KCNS2: variants seen among roughly 807,000 people sequenced by gnomAD.
The protein encoded by KCNS2 is potassium voltage-gated channel modifier subfamily S member 2, also known as delayed-rectifier potassium channel regulatory subunit KCNS2.
Under a neutral mutation model 28.3 loss-of-function variants are expected in KCNS2, and 15 were observed. That is an observed-to-expected ratio of 0.53 (90% CI 0.35 to 0.82). The LOEUF is 0.82. Among genes scored for constraint, KCNS2 ranks in the 40% least tolerant of loss-of-function variants. The pLI is 0.01. For synonymous variants in KCNS2, 254 were observed against 256.7 expected, an observed-to-expected ratio of 0.99 and a Z score of 0.10; for missense variants, 501 against 617.1, an observed-to-expected ratio of 0.81 and a Z score of 1.99.
Position 98,428,089 on chromosome 8 carries a change from G to A in KCNS2, c.110G>A (p.Arg37His), listed in dbSNP as rs1184225176. 6.2e-7 allele frequency: 1 copy of A among 1,613,806 alleles called. No individual in the cohort carries two copies. Among genetic ancestry groups the A allele is most frequent in the East Asian group, 2.2e-5 (1 of 44,864 alleles). ...AGGCTGCGCTCGCACACGCTGCTGCGCTTCCCCGAGACGCGCCTGGGCCGC... is the reference window on the plus strand; with the variant it reads ...AGGCTGCGCTCGCACACGCTGCTGCACTTCCCCGAGACGCGCCTGGGCCGC... ...KRRLRSHTLLRFPETRLGRLL... is the reference protein window; with the variant it reads ...KRRLRSHTLLHFPETRLGRLL... The change falls in exon 2 of 2, where the codon CGC (arginine) becomes CAC (histidine). Residue 37 changes from arginine (R) to histidine (H), a missense_variant. Coordinates refer to ENST00000287042, the MANE Select transcript of KCNS2 (RefSeq NM_020697.4). This position sits in a 1 kb window ranked among gnomAD's most constrained non-coding sequence, Gnocchi z 6.7.
rs1369352755 is a variant in KCNS2 at position 98,427,191 on chromosome 8, C to A, written c.-181C>A. Reference sequence around the variant, plus strand: ...GAGACGGGAGGAGACGCTCGGCGGCCCCCGCCCGCCGGCCCGCCGGGCGCA... The same window carrying A: ...GAGACGGGAGGAGACGCTCGGCGGCACCCGCCCGCCGGCCCGCCGGGCGCA... On this transcript the variant is annotated 5_prime_UTR_variant, in exon 1 of 2. Transcript: ENST00000287042. The A allele has an allele frequency of 6.7e-6, 1 of 149,552 alleles. No homozygotes were observed. Among genetic ancestry groups the A allele is most frequent in the African/African-American group, 2.5e-5 (1 of 40,364 alleles). 9.3% of individuals were successfully genotyped at this position (149,552 alleles called of 1,614,324 possible).
In KCNS2 at chr8:98,432,814, A is replaced by G. The variant is rs1383009149; in HGVS notation, c.*3401A>G. The G allele has an allele frequency of 6.0e-6, 1 of 166,848 alleles. No individual in the cohort carries two copies. The highest frequency in any genetic ancestry group is 2.4e-5 in the African/African-American group (1 of 41,440). The allele number at this position is 166,848 out of a possible 1,614,324, so 10.3% of individuals were successfully genotyped here. ...GATGTCAGTTTTAACACTCATTAAC[A>G]CACTACTGTGCAAGCATTGACACAG... is the stretch of plus-strand genomic sequence containing the variant. On this transcript the variant is annotated 3_prime_UTR_variant, in exon 2 of 2. Coordinates refer to ENST00000287042, the MANE Select transcript of KCNS2 (RefSeq NM_020697.4).
rs1818297587 is a variant in KCNS2, at chr8:98,429,472, A to G, written c.*59A>G. The G allele has an allele frequency of 7.9e-7, 1 of 1,259,094 alleles. No individual in the cohort carries two copies. The highest frequency in any genetic ancestry group is 2.3e-5 in the East Asian group (1 of 43,090). 78.0% of individuals were successfully genotyped at this position (1,259,094 alleles called of 1,614,324 possible). A position where few individuals can be genotyped will look rare whatever the true frequency, so the allele number is the denominator to read the frequency against. On this transcript the variant is annotated 3_prime_UTR_variant, in exon 2 of 2. Coordinates refer to ENST00000287042, the MANE Select transcript of KCNS2 (RefSeq NM_020697.4). ...CTGAGCTGCCTCTTGTGCCTCTGGCACAGCCCAGGCACCTTATGGTTATGG... is the reference window on the plus strand; with the variant it reads ...CTGAGCTGCCTCTTGTGCCTCTGGCGCAGCCCAGGCACCTTATGGTTATGG...
intron 1 of KCNS2, 23 bp from the exon 2 acceptor site, chr8:98,427,915 G>T: frequency 1.5e-6 from 2 of 1,368,710 alleles, no homozygotes; most frequent in South Asian, 3.0e-5. Flanking sequence ...CGCTCTCGCC[G>T]ACGCTGTTCC....
chr8:98,427,890 C>A, intron 1 of KCNS2, 48 bp from the exon 2 acceptor site: 1 of 1,191,884 alleles, frequency 8.4e-7, no homozygotes, highest in Non-Finnish European at 1.2e-6. Context: ...GAGGGGGCCC[C>A]GCCAGGGCGC....
Position 98,430,043 on chromosome 8 carries a change from T to C in KCNS2, c.*630T>C, listed in dbSNP as rs1306332223. 2 of 167,198 alleles carry C rather than the reference T, an allele frequency of 1.2e-5. No homozygotes were observed. Among genetic ancestry groups the C allele is most frequent in the Non-Finnish European group, 2.9e-5 (2 of 68,194 alleles). The allele number at this position is 167,198 out of a possible 1,614,324, so 10.4% of individuals were successfully genotyped here. The stretch of plus-strand genomic sequence containing the variant: ...CTTGCATGGGTGCACCAATCATCTT[T>C]AGAACGATGTACACTGATGTTCATC... On this transcript the variant is annotated 3_prime_UTR_variant, in exon 2 of 2. Coordinates refer to ENST00000287042, the MANE Select transcript of KCNS2 (RefSeq NM_020697.4).
At chr8:98,427,878 G>A in intron 1 of KCNS2, 60 bp from the exon 2 acceptor site, 2 of 985,178 alleles carry the variant, frequency 2.0e-6, no homozygotes, top group East Asian at 2.6e-5. Context: ...AATGGGTAGG[G>A]AGAGGGGGCC....
Position 98,428,684 on chromosome 8 carries a change from T to C in KCNS2, c.705T>C (p.Ile235=), listed in dbSNP as rs765702013. ...PRFEIVEHFG[I]AWFTFELVAR... ...TCGAAATCGTGGAGCACTTTGGCAT[T>C]GCCTGGTTCACATTTGAGCTGGTGG... The change falls in exon 2 of 2, where the codon ATT becomes ATC. Residue 235 remains isoleucine, a synonymous_variant. Transcript: ENST00000287042. The surrounding 1 kb of genome is among the most constrained non-coding windows in gnomAD (Gnocchi z 6.7). The C allele has an allele frequency of 2.5e-6, 4 of 1,614,218 alleles. No individual in the cohort carries two copies. The highest frequency in any genetic ancestry group is 2.5e-6 in the Non-Finnish European group (3 of 1,180,038).
chr8:98,429,397 A>G lies in KCNS2; in HGVS notation c.1418A>G (p.Asn473Ser). The stretch of plus-strand genomic sequence containing the variant: ...AGCTCACCAAGTGAACTCAGTTTAA[A>G]TGATTCCCTACGTTAGCCGGGAGGA... Reference protein sequence around the residue: ...SRSSPSELSLNDSLR With the variant: ...SRSSPSELSLSDSLR Residue 473 changes from asparagine to serine, a missense_variant, in exon 2 of 2, where the codon AAT (asparagine) becomes AGT (serine). Physicochemically the swap from Asn to Ser is conservative, Grantham distance 46 (BLOSUM62 1). Coordinates refer to ENST00000287042, the MANE Select transcript of KCNS2 (RefSeq NM_020697.4). The G allele has an allele frequency of 6.2e-7, 1 of 1,610,582 alleles. No individual in the cohort carries two copies. The highest frequency in any genetic ancestry group is 8.5e-7 in the Non-Finnish European group (1 of 1,177,260).
chr8:98,427,180 C>A lies in KCNS2; in HGVS notation c.-192C>A, dbSNP rs1410482267. 1 of 150,274 alleles carries A rather than the reference C, an allele frequency of 6.7e-6. No homozygotes were observed. Among genetic ancestry groups the A allele is most frequent in the South Asian group, 2.1e-4 (1 of 4,828 alleles). 9.3% of individuals were successfully genotyped at this position (150,274 alleles called of 1,614,324 possible). On this transcript the variant is annotated 5_prime_UTR_variant, in exon 1 of 2. Coordinates refer to ENST00000287042, the MANE Select transcript of KCNS2 (RefSeq NM_020697.4). ...GTACCCGGCCCGAGACGGGAGGAGA[C>A]GCTCGGCGGCCCCCGCCCGCCGGCC...
chr8:98,428,540 G>A lies in KCNS2; in HGVS notation c.561G>A (p.Arg187=). 4 of 1,614,164 alleles carry A rather than the reference G, an allele frequency of 2.5e-6. No individual in the cohort carries two copies. Among genetic ancestry groups the A allele is most frequent in the Non-Finnish European group, 3.4e-6 (4 of 1,180,030 alleles). Residue 187 remains arginine, a synonymous_variant, in exon 2 of 2, where the codon AGG becomes AGA. Coordinates refer to ENST00000287042, the MANE Select transcript of KCNS2 (RefSeq NM_020697.4). This position sits in a 1 kb window ranked among gnomAD's most constrained non-coding sequence, Gnocchi z 6.7. ...ACCCCGGCTACTCAGTGCTGAGCAG[G>A]GTCTTCAGCATCCTGTCCATCCTGG... The part of the protein sequence containing the change: ...LDNPGYSVLS[R]VFSILSILVV...
rs756265826 is a variant in KCNS2 at position 98,429,346 on chromosome 8, T to C, written c.1367T>C (p.Met456Thr). The change falls in exon 2 of 2, where the codon ATG becomes ACG. Residue 456 changes from methionine to threonine, a missense_variant. Physicochemically the swap from Met to Thr is moderately conservative, Grantham distance 81. Coordinates refer to ENST00000287042, the MANE Select transcript of KCNS2 (RefSeq NM_020697.4). Reference protein sequence around the residue: ...DYYAHKVKSLMASLTNMSRSS... With the variant: ...DYYAHKVKSLTASLTNMSRSS... ...TATGCCCATAAAGTTAAATCCCTTA[T>C]GGCAAGCCTGACGAACATGAGCAGG... The C allele has an allele frequency of 6.2e-7, 1 of 1,614,078 alleles. No homozygotes were observed. Among genetic ancestry groups the C allele is most frequent in the Non-Finnish European group, 8.5e-7 (1 of 1,180,016 alleles).
chr8:98,431,091 A>C lies in KCNS2; in HGVS notation c.*1678A>C, dbSNP rs1483011608. ...GAGCATGGAGCTATCCAGGGTTTTC[A>C]TCCAAAGGTTGGGCCTCTTCTTAAG... On this transcript the variant is annotated 3_prime_UTR_variant, in exon 2 of 2. Transcript: ENST00000287042. 1.2e-5 allele frequency: 2 copies of C among 167,092 alleles called. No individual in the cohort carries two copies. The highest frequency in any genetic ancestry group is 2.9e-5 in the Non-Finnish European group (2 of 68,120). The allele number at this position is 167,092 out of a possible 1,614,324, so 10.4% of individuals were successfully genotyped here. A position where few individuals can be genotyped will look rare whatever the true frequency, so the allele number is the denominator to read the frequency against.
rs1818289002 is a variant in KCNS2, at chr8:98,428,972, G to C, written c.993G>C (p.Leu331=). The C allele has an allele frequency of 6.2e-7, 1 of 1,614,166 alleles. No individual in the cohort carries two copies. Among genetic ancestry groups the C allele is most frequent in the Non-Finnish European group, 8.5e-7 (1 of 1,180,032 alleles). The change falls in exon 2 of 2, where the codon CTG becomes CTC. Residue 331 remains leucine (L), a synonymous_variant. Transcript: ENST00000287042. The surrounding 1 kb of genome is among the most constrained non-coding windows in gnomAD (Gnocchi z 6.7). The part of the protein sequence containing the change: ...TLKYSYKEVG[L]LLLYLSVGIS... ...AATACAGCTACAAAGAAGTAGGGCT[G>C]CTCTTGCTCTACCTCTCCGTGGGGA...
chr8:98,429,064 C>G lies in KCNS2; in HGVS notation c.1085C>G (p.Pro362Arg). 1 of 1,613,196 alleles carries G rather than the reference C, an allele frequency of 6.2e-7. No individual in the cohort carries two copies. ...GAGAACGAGGGCCTGGCCACCATCCCTGCCTGCTGGTGGTGGGCTACCGTC... is the reference window on the plus strand; with the variant it reads ...GAGAACGAGGGCCTGGCCACCATCCGTGCCTGCTGGTGGTGGGCTACCGTC... ...KEENEGLATIPACWWWATVSM... is the reference protein window; with the variant it reads ...KEENEGLATIRACWWWATVSM... The change falls in exon 2 of 2, where the codon CCT becomes CGT. Residue 362 changes from proline (P) to arginine (R), a missense_variant. Physicochemically the swap from Pro to Arg is moderately radical, Grantham distance 103. Transcript: ENST00000287042.
chr8:98,427,396 G>T (rs1328017270), intron 1 of KCNS2, 67 bp downstream of exon 1: 1 of 152,122 alleles, frequency 6.6e-6, no homozygotes, highest in African/African-American at 2.4e-5. Context: ...AGCGCACGCG[G>T]CCCCGGGGCA....
rs1221135611 is a variant in KCNS2 at position 98,428,075 on chromosome 8, G to A, written c.96G>A (p.Ser32=). 1 of 1,613,584 alleles carries A rather than the reference G, an allele frequency of 6.2e-7. No homozygotes were observed. The highest frequency in any genetic ancestry group is 2.2e-5 in the East Asian group (1 of 44,850). ...GCGGCTTCAAGAGGAGGCTGCGCTC[G>A]CACACGCTGCTGCGCTTCCCCGAGA... ...NVGGFKRRLR[S]HTLLRFPETR... The change falls in exon 2 of 2, where the codon TCG becomes TCA. Residue 32 remains serine, a synonymous_variant. Coordinates refer to ENST00000287042, the MANE Select transcript of KCNS2 (RefSeq NM_020697.4). The surrounding 1 kb of genome is among the most constrained non-coding windows in gnomAD (Gnocchi z 6.7).
At position 98,427,778 on chromosome 8, in the gene KCNS2, T is replaced by A. The variant is rs10111589; in HGVS notation, c.-42-160T>A. On this transcript the variant is annotated intron_variant, in intron 1 of 1. Transcript: ENST00000287042. ...AATAGAAACATACCCACCCCCAGCC[T>A]TTCCTGGGAGGGGATCAGACCCCTC... 2,497 of 542,850 alleles carry A rather than the reference T, an allele frequency of 4.6e-3. 48 individuals are homozygous for A. Among genetic ancestry groups the A allele is most frequent in the African/African-American group, 0.041 (2,097 of 51,700 alleles). The allele number at this position is 542,850 out of a possible 1,614,324, so 33.6% of individuals were successfully genotyped here.
Position 98,427,319 on chromosome 8 carries a change from C to T in KCNS2, c.-53C>T, listed in dbSNP as rs1396304685. Reference sequence around the variant, plus strand: ...CCCGCCGGCCTCGGCCGCGGGCACCCGTGCTCCCAGGTAAGCGCTTCCAGA... The same window carrying T: ...CCCGCCGGCCTCGGCCGCGGGCACCTGTGCTCCCAGGTAAGCGCTTCCAGA... On this transcript the variant is annotated 5_prime_UTR_variant, in exon 1 of 2. Transcript: ENST00000287042. 2.0e-5 allele frequency: 3 copies of T among 151,646 alleles called. No homozygotes were observed. The highest frequency in any genetic ancestry group is 4.4e-5 in the Non-Finnish European group (3 of 67,884). The allele number at this position is 151,646 out of a possible 1,614,324, so 9.4% of individuals were successfully genotyped here. A position where few individuals can be genotyped will look rare whatever the true frequency, so the allele number is the denominator to read the frequency against.
Sources: allele counts gnomAD v4.1 joint callset, GRCh38; gene constraint gnomAD v4.1.1; non-coding constraint Gnocchi (gnomAD v3.1); transcripts MANE v1.5; gene names NCBI Gene and HGNC (gene_info 2026-07-23, HGNC 2026-07-21).